Variants in CCDC30 observed in about 807,000 individuals in gnomAD.
CCDC30 encodes the protein coiled-coil domain-containing protein 30.
A neutral mutation model predicts 100.2 loss-of-function variants in CCDC30; 70 were observed. That is an observed-to-expected ratio of 0.70 (90% confidence interval 0.58 to 0.85). CCDC30 has a LOEUF of 0.85. Ranked by LOEUF, CCDC30 falls within the 40% of genes least tolerant of loss-of-function variation. The pLI, the probability that CCDC30 is intolerant of heterozygous loss-of-function variation, is 0.00. For missense variants in CCDC30, 652 were observed against 771.2 expected (o/e 0.85, Z 1.83); for synonymous variants, 233 against 269.5 (o/e 0.86, Z 1.33).
exon 8 of CCDC30, chr1:42,577,061 C>T (rs1195470017): frequency 1.9e-6 from 3 of 1,613,774 alleles, no homozygotes; most frequent in African/African-American, 2.7e-5. Context: ...AGTTATTAGA[C>T]AGCACAAAGA....
chr1:42,544,092 T>C (rs1007541346), intron 6 of CCDC30, among the ~76,000 whole-genome samples: 1 of 152,124 alleles, frequency 6.6e-6, no homozygotes, highest in Non-Finnish European at 1.5e-5. Context: ...GGGGTCTTGC[T>C]ATGTTGCTTA....
chr1:42,498,643 A>C (rs1644263701), intron 5 of CCDC30, among the ~76,000 whole-genome samples, 175 bp from the exon 6 acceptor site: 1 of 152,176 alleles, frequency 6.6e-6, no homozygotes, highest in African/African-American at 2.4e-5. Flanking sequence ...ATTTCTGGAA[A>C]GGGAGGACCA....
chr1:42,537,882 T>A (rs1644935323), intron 6 of CCDC30: 1 of 152,022 alleles, frequency 6.6e-6, no homozygotes, highest in Admixed American at 6.6e-5. Flanking sequence ...GGCAGGAGAA[T>A]CACTTGAACC....
intron 7 of CCDC30, among the ~76,000 whole-genome samples, chr1:42,574,334 T>C (rs1443812672): frequency 6.6e-6 from 1 of 152,038 alleles, no homozygotes; most frequent in South Asian, 2.1e-4. Context: ...AACTTTGTTA[T>C]ATTTTATTTT....
At chr1:42,523,961 T>A (rs965962341) in intron 6 of CCDC30, among the ~76,000 whole-genome samples, 3 of 152,206 alleles carry the variant, frequency 2.0e-5, no homozygotes, top group African/African-American at 7.2e-5. Context: ...ATCTCTTTAC[T>A]GATATTTCTG....
chr1:42,479,328 G>T (rs959272034), intron 1 of CCDC30, among the ~76,000 whole-genome samples: 2 of 151,824 alleles, frequency 1.3e-5, no homozygotes, highest in Non-Finnish European at 2.9e-5. Flanking sequence ...GTGAGCCAAG[G>T]TTGCACCATT....
chr1:42,504,208 G>A (rs148096236), intron 6 of CCDC30, among the ~76,000 whole-genome samples: 105 of 152,312 alleles, frequency 6.9e-4, no homozygotes, highest in African/African-American at 2.3e-3. Flanking sequence ...GCGGTTTTCC[G>A]CCCTGGGTGG....
intron 7 of CCDC30, among the ~76,000 whole-genome samples, chr1:42,570,671 T>A (rs1331518346): frequency 6.6e-6 from 1 of 152,052 alleles, no homozygotes; most frequent in Non-Finnish European, 1.5e-5. Flanking sequence ...TCTCATACAA[T>A]ATAGTTGTTT....
rs115071671 is a variant in CCDC30, at chr1:42,470,405, A to G, written c.-92+6507A>G. Among the ~76,000 whole-genome samples, 1,067 of 152,250 alleles carry G rather than the reference A, an allele frequency of 7.0e-3. 16 individuals are homozygous for G. Among genetic ancestry groups the G allele is most frequent in the African/African-American group, 0.024 (1,006 of 41,538 alleles). On this transcript the variant is annotated intron_variant, in intron 1 of 16. Coordinates refer to ENST00000668663, the Ensembl canonical transcript of CCDC30. ...CAGCTGCAGTAGAAGACAGTAGGAC[A>G]GTTCCTCAAAAAAAAAGTTAAACAT...
rs756176570 is a variant in CCDC30 at position 42,577,229 on chromosome 1, G to A, written c.846G>A (p.Lys282=). Residue 282 remains lysine, a splice_region_variant and synonymous_variant, in exon 8 of 17, where the codon AAG becomes AAA. Coordinates refer to ENST00000668663, the Ensembl canonical transcript of CCDC30. ...CTAAAGTTGCTGATGCAGAGGAAAA[G>A]GTAATTATCCTCATGCTTAATAAAC... The A allele has an allele frequency of 9.0e-5, 143 of 1,592,456 alleles. No individual in the cohort carries two copies. The highest frequency in any genetic ancestry group is 4.8e-5 in the Non-Finnish European group (56 of 1,160,592).
chr1:42,618,685 A>C (rs972781558), intron 11 of CCDC30, among the ~76,000 whole-genome samples: 2 of 152,238 alleles, frequency 1.3e-5, no homozygotes, highest in African/African-American at 2.4e-5. Flanking sequence ...GCAAAAGTAC[A>C]TGCCTATATT....
intron 7 of CCDC30, among the ~76,000 whole-genome samples, chr1:42,574,189 T>C (rs1466585459): frequency 6.6e-6 from 1 of 152,170 alleles, no homozygotes; most frequent in Non-Finnish European, 1.5e-5. Context: ...TAAGTTACAA[T>C]GATTTCTTCT....
At chr1:42,502,097 G>T (rs1644323098) in intron 6 of CCDC30, among the ~76,000 whole-genome samples, 1 of 152,120 alleles carries the variant, frequency 6.6e-6, no homozygotes, top group South Asian at 2.1e-4. Flanking sequence ...AGCTGCGGTG[G>T]GCTTCACCCA....
At chr1:42,470,856 T>C (rs1043082138) in intron 1 of CCDC30, among the ~76,000 whole-genome samples, 3 of 152,182 alleles carry the variant, frequency 2.0e-5, no homozygotes, top group African/African-American at 7.2e-5. Flanking sequence ...TTTGGCATAA[T>C]GAAAAATTTC....
intron 6 of CCDC30, among the ~76,000 whole-genome samples, chr1:42,528,335 T>G (rs1051041500): frequency 6.6e-6 from 1 of 152,198 alleles, no homozygotes; most frequent in Non-Finnish European, 1.5e-5. Context: ...GTGACCACAA[T>G]TGTGGCCCAC....
the CCDC30 span, chr1:42,456,114 G>A: frequency 1.7e-4 from 133 of 774,460 alleles, 1 homozygote; most frequent in Admixed American, 3.2e-4. Flanking sequence ...GGCAGAGGGC[G>A]GCGGGACGTG....
chr1:42,599,690 T>A (rs576663870), intron 10 of CCDC30, among the ~76,000 whole-genome samples: 1 of 152,304 alleles, frequency 6.6e-6, no homozygotes, highest in South Asian at 2.1e-4. Flanking sequence ...AAGACACATG[T>A]AAATTAAAAG....
chr1:42,489,215 T>C (rs1644098286), intron 3 of CCDC30, among the ~76,000 whole-genome samples: 1 of 152,224 alleles, frequency 6.6e-6, no homozygotes, highest in South Asian at 2.1e-4. Context: ...AGCCATACAG[T>C]TTACTAGTTG....
intron 7 of CCDC30, among the ~76,000 whole-genome samples, chr1:42,570,021 A>G (rs1371601224): frequency 6.6e-6 from 1 of 152,202 alleles, no homozygotes; most frequent in Non-Finnish European, 1.5e-5. Context: ...GAAATACCCA[A>G]TGTAGATGAC....
Sources: allele counts gnomAD v4.1 joint callset (sites outside exome capture counted in the v4.1 genomes callset), GRCh38; gene constraint gnomAD v4.1.1; transcripts MANE v1.5; gene names NCBI Gene and HGNC (gene_info 2026-07-23, HGNC 2026-07-21).